Variants in PPP2R3B observed in about 807,000 individuals in gnomAD.
PPP2R3B encodes serine/threonine-protein phosphatase 2A regulatory subunit B'' subunit beta.
PPP2R3B carries 68 observed loss-of-function variants against 72.9 expected under a neutral mutation model. The observed-to-expected ratio is 0.93, with a 90% CI of 0.77 to 1.14. The LOEUF is 1.14. PPP2R3B is among the 50% of genes most tolerant of loss of function. The pLI is 0.00. For missense variants in PPP2R3B, 1,018 were observed against 842.0 expected (o/e 1.21, Z -2.59); for synonymous variants, 466 against 375.8 (o/e 1.24, Z -2.78).
intron 1 of PPP2R3B, among the ~76,000 whole-genome samples, chrX:363,629 C>CCCGCGATCCCACAATGCATCTCCATGAGT (rs1569404189): frequency 5.2e-5 from 4 of 77,178 alleles, no homozygotes; most frequent in African/African-American, 5.5e-5. Context: ...TCTCCCCGAG[C>CCCGCGATCCCACAATGCATCTCCATGAGT]CCACCATCCC....
chrX:364,571 A>G (rs1305367169), intron 1 of PPP2R3B, among the ~76,000 whole-genome samples: 5 of 151,490 alleles, frequency 3.3e-5, no homozygotes, highest in Non-Finnish European at 5.9e-5. Flanking sequence ...AAAAAAAATT[A>G]GCCGGGTGTG....
intron 10 of PPP2R3B, among the ~76,000 whole-genome samples, 199 bp downstream of exon 10, chrX:340,566 G>A (rs1411896955): frequency 8.4e-6 from 1 of 118,592 alleles, no homozygotes; most frequent in Non-Finnish European, 1.6e-5. Flanking sequence ...CCTCCCGTCC[G>A]TCCCCTCACC....
intron 2 of PPP2R3B, chrX:359,782 G>A (rs2071504941): frequency 2.0e-6 from 1 of 490,762 alleles, no homozygotes; most frequent in African/African-American, 2.0e-5. Flanking sequence ...GTACATAATT[G>A]CTCATATTAA....
chrX:338,841 G>A lies in PPP2R3B; in HGVS notation c.1407C>T (p.Asp469=), dbSNP rs767829200. 4.3e-6 allele frequency: 7 copies of A among 1,612,370 alleles called. No individual in the cohort carries two copies. Among genetic ancestry groups the A allele is most frequent in the Non-Finnish European group, 8.5e-7 (1 of 1,179,714 alleles). ...GGTACTTCTCGATGTTGAAGAAGGT[G>A]TCGAAGAAGACGTTAGCCAGCTTGC... ...KRCKLANVFF[D]TFFNIEKYLD... Residue 469 remains aspartate, a synonymous_variant, in exon 11 of 13, where the codon GAC becomes GAT. Coordinates refer to ENST00000390665, the MANE Select transcript of PPP2R3B (RefSeq NM_013239.5).
At chrX:367,680 C>T (rs2071751616) in intron 1 of PPP2R3B, among the ~76,000 whole-genome samples, 1 of 152,224 alleles carries the variant, frequency 6.6e-6, no homozygotes, top group Admixed American at 6.5e-5. Context: ...GAGACGGTCA[C>T]AGTCCATCAC....
At chrX:342,536 G>A (rs2071107704) in intron 7 of PPP2R3B, among the ~76,000 whole-genome samples, 1 of 45,080 alleles carries the variant, frequency 2.2e-5, no homozygotes, top group Non-Finnish European at 3.9e-5. Flanking sequence ...CCAACGGGAG[G>A]CGGGAGGGAG....
intron 1 of PPP2R3B, among the ~76,000 whole-genome samples, chrX:373,102 C>T (rs1230434433): frequency 6.6e-6 from 1 of 152,122 alleles, no homozygotes; most frequent in African/African-American, 2.4e-5. Flanking sequence ...GACGCCTTTA[C>T]GAAGGGTGAA....
intron 1 of PPP2R3B, among the ~76,000 whole-genome samples, chrX:377,976 T>G (rs1351801386): frequency 2.7e-5 from 4 of 150,858 alleles, no homozygotes; most frequent in African/African-American, 9.8e-5. Flanking sequence ...CCGTCTACAG[T>G]GGGGCCGCCA....
Position 345,690 on chromosome X carries a change from C to T in PPP2R3B, c.880-18G>A, listed in dbSNP as rs750870898. On this transcript the variant is annotated intron_variant, in intron 6 of 12. Transcript: ENST00000390665. The stretch of plus-strand genomic sequence containing the variant: ...GCCACATTCTGCCAAAGGACCCAGG[C>T]GGCCTGAGCGCGGGGCCTCTGCGGG... 3.3e-6 allele frequency: 5 copies of T among 1,498,270 alleles called. No individual in the cohort carries two copies. The highest frequency in any genetic ancestry group is 2.9e-5 in the East Asian group (1 of 34,798). The allele number at this position is 1,498,270 out of a possible 1,614,324, so 92.8% of individuals were successfully genotyped here.
At chrX:358,912 G>C (rs954449530) in intron 2 of PPP2R3B, among the ~76,000 whole-genome samples, 1 of 146,392 alleles carries the variant, frequency 6.8e-6, no homozygotes, top group Non-Finnish European at 1.5e-5. Flanking sequence ...CCGTGGGGAC[G>C]GGCGCCCTGG....
chrX:342,039 C>A, intron 7 of PPP2R3B, 108 bp from the exon 8 acceptor site: 4 of 1,415,306 alleles, frequency 2.8e-6, no homozygotes, highest in Non-Finnish European at 4.0e-6. Flanking sequence ...GCTGAGAGGA[C>A]GCCTGGGTCT....
intron 1 of PPP2R3B, among the ~76,000 whole-genome samples, chrX:375,835 C>A (rs1357790785): frequency 1.1e-4 from 16 of 152,190 alleles, no homozygotes; most frequent in Admixed American, 1.3e-4. Context: ...ACGCCCTGTC[C>A]TGCCACGGCG....
At chrX:342,199 C>G in intron 7 of PPP2R3B, 1 of 593,536 alleles carries the variant, frequency 1.7e-6, no homozygotes, top group East Asian at 2.8e-5. Flanking sequence ...GCAGAATATT[C>G]AGGCCTCAAA....
chrX:334,279 A>T lies in PPP2R3B; in HGVS notation c.*88T>A, dbSNP rs1007546073. Reference sequence around the variant, plus strand: ...TTTATCATTCCGTACAAACGCACTCATTTTCCACAACAGTTTTTACACGAG... The same window carrying T: ...TTTATCATTCCGTACAAACGCACTCTTTTTCCACAACAGTTTTTACACGAG... On this transcript the variant is annotated 3_prime_UTR_variant, in exon 13 of 13. Coordinates refer to ENST00000390665, the MANE Select transcript of PPP2R3B (RefSeq NM_013239.5). 7 of 1,353,364 alleles carry T rather than the reference A, an allele frequency of 5.2e-6. No homozygotes were observed. In the East Asian group the frequency reaches 8.4e-5, roughly 16 times the overall value. The allele number at this position is 1,353,364 out of a possible 1,614,324, so 83.8% of individuals were successfully genotyped here.
intron 10 of PPP2R3B, among the ~76,000 whole-genome samples, chrX:339,276 G>GGGT (rs1556105695): frequency 1.3e-5 from 2 of 150,042 alleles, no homozygotes; most frequent in Non-Finnish European, 3.0e-5. Flanking sequence ...CATGGCCGGG[G>GGGT]GGGGCAGGGC....
chrX:380,407 G>A (rs951498465), intron 1 of PPP2R3B, among the ~76,000 whole-genome samples: 13 of 152,108 alleles, frequency 8.5e-5, no homozygotes, highest in African/African-American at 2.9e-4. Flanking sequence ...CTGAACAGAC[G>A]CTCGACAGTG....
Position 344,205 on chromosome X carries a change from C to G in PPP2R3B, c.1036+1311G>C, listed in dbSNP as rs2071144095. On this transcript the variant is annotated intron_variant, in intron 7 of 12. Coordinates refer to ENST00000390665, the MANE Select transcript of PPP2R3B (RefSeq NM_013239.5). ...GGAGGCGGGAGTGAGACCTCAGCAACGGGAGGCGGGATTGAGACCTCACCA... is the reference window on the plus strand; with the variant it reads ...GGAGGCGGGAGTGAGACCTCAGCAAGGGGAGGCGGGATTGAGACCTCACCA... 4.3e-5 allele frequency among the ~76,000 whole-genome samples: 4 copies of G among 92,538 alleles called. 1 individual carries two copies. The highest frequency in any genetic ancestry group is 1.0e-4 in the Non-Finnish European group (4 of 39,928). 60.7% of individuals were successfully genotyped at this position (92,538 alleles called of 152,430 possible). A position where few individuals can be genotyped will look rare whatever the true frequency, so the allele number is the denominator to read the frequency against.
At chrX:380,039 G>A (rs967435754) in intron 1 of PPP2R3B, among the ~76,000 whole-genome samples, 5 of 152,128 alleles carry the variant, frequency 3.3e-5, no homozygotes, top group African/African-American at 1.2e-4. Flanking sequence ...CGGTGCTGGG[G>A]TCATCCAGAT....
At chrX:354,212 G>T (rs2071395057) in intron 2 of PPP2R3B, among the ~76,000 whole-genome samples, 2 of 148,908 alleles carry the variant, frequency 1.3e-5, no homozygotes, top group Non-Finnish European at 1.5e-5. Flanking sequence ...CAGGGACCGG[G>T]GGCTCACCCA....
Sources: allele counts gnomAD v4.1 joint callset (sites outside exome capture counted in the v4.1 genomes callset), GRCh38; gene constraint gnomAD v4.1.1; transcripts MANE v1.5; gene names NCBI Gene and HGNC (gene_info 2026-07-23, HGNC 2026-07-21).